DISP2: variants seen among roughly 807,000 people sequenced by gnomAD.
The protein encoded by DISP2 is dispatched RND transporter family member 2, also known as protein dispatched homolog 2.
DISP2 carries 59 observed loss-of-function variants against 95.5 expected under a neutral mutation model. That is an observed-to-expected ratio of 0.62 (90% confidence interval 0.50 to 0.77). DISP2 has a LOEUF of 0.77. DISP2 is among the 30% of genes least tolerant of loss of function. The pLI, the probability that DISP2 is intolerant of heterozygous loss-of-function variation, is 0.00. For synonymous variants in DISP2, 827 were observed against 815.0 expected (o/e 1.01, Z -0.25); for missense variants, 1,752 against 1,854.6 (o/e 0.94, Z 1.02).
Position 40,369,894 on chromosome 15 carries a change from CAG to C in DISP2, c.3783_3784del (p.Ala1262LeufsTer10). ...CAAGGGGAGGAGGCTGAGCCCCTGC[CAG>C]CCTCACCAGAAGCCCCAGCCCACTC... On this transcript the variant is annotated frameshift_variant, in exon 8 of 8. Transcript: ENST00000267889. LOFTEE classifies it high-confidence loss of function. The C allele has an allele frequency of 6.4e-7, 1 of 1,565,720 alleles. No individual in the cohort carries two copies.
rs778712526 is a variant in DISP2, at chr15:40,367,286, T to C, written c.1174T>C (p.Ser392Pro). ...TTGTCTGGGACCTGGGCAGAACAAG[T>C]CCCCACGCTGTGCCCAGGTTCCCAC... The part of the protein sequence containing the change: ...PSCLGPGQNK[S>P]PRCAQVPTKC... The change falls in exon 8 of 8, where the codon TCC becomes CCC. Residue 392 changes from serine to proline, a missense_variant. By Grantham distance (74) the Ser-to-Pro change is moderately conservative (BLOSUM62 -1). Transcript: ENST00000267889. 1 of 1,613,628 alleles carries C rather than the reference T, an allele frequency of 6.2e-7. No individual in the cohort carries two copies.
rs35004278 is a variant in DISP2, at chr15:40,367,512, C to A, written c.1400C>A (p.Thr467Asn). The change falls in exon 8 of 8, where the codon ACC becomes AAC. Residue 467 changes from threonine (T) to asparagine (N), a missense_variant. This residue lies in a region of DISP2 where 732 missense variants were observed against 714.6 expected (regional missense o/e 1.02). Transcript: ENST00000267889. ...ATPWGLADNY[T>N]SVTGMDLGLK... is the part of the protein sequence containing the mutation. ...CCCTGGGGGCTTGCTGACAACTACACCTCTGTCACTGGCATGGACCTGGGC... is the reference window on the plus strand; with the variant it reads ...CCCTGGGGGCTTGCTGACAACTACAACTCTGTCACTGGCATGGACCTGGGC... 1.8e-5 allele frequency: 29 copies of A among 1,613,648 alleles called. No homozygotes were observed. The highest frequency in any genetic ancestry group is 2.5e-5 in the Non-Finnish European group (29 of 1,180,006).
At chr15:40,362,237 G>A (rs899457614) in intron 1 of DISP2, among the ~76,000 whole-genome samples, 3 of 152,208 alleles carry the variant, frequency 2.0e-5, no homozygotes, top group Non-Finnish European at 4.4e-5. Flanking sequence ...CAGGGTAGGT[G>A]GAGGGATGGC....
rs1368622962 is a variant in DISP2, at chr15:40,373,210, T to C, written c.*2892T>C. On this transcript the variant is annotated 3_prime_UTR_variant, in exon 8 of 8. Transcript: ENST00000267889. The stretch of plus-strand genomic sequence containing the variant: ...AGTGTATGGCCCTGGAGACATGGCT[T>C]ACAAGCACGCTGTGAGGCGTACAAA... 1 of 152,178 alleles carries C rather than the reference T, an allele frequency of 6.6e-6. No homozygotes were observed. Among genetic ancestry groups the C allele is most frequent in the Non-Finnish European group, 1.5e-5 (1 of 68,042 alleles). The allele number at this position is 152,178 out of a possible 1,614,324, so 9.4% of individuals were successfully genotyped here.
chr15:40,364,145 C>G lies in DISP2; in HGVS notation c.450-81C>G. 5 of 1,599,024 alleles carry G rather than the reference C, an allele frequency of 3.1e-6. 1 individual carries two copies. The South Asian group carries it at 5.5e-5, about 18-fold the overall frequency. On this transcript the variant is annotated intron_variant, in intron 2 of 7. Coordinates refer to ENST00000267889, the MANE Select transcript of DISP2 (RefSeq NM_033510.3). ...CCATGGGTTATCCCTCACCTACCCACTCCCACCCCACCTCCACCCCCAACA... is the reference window on the plus strand; with the variant it reads ...CCATGGGTTATCCCTCACCTACCCAGTCCCACCCCACCTCCACCCCCAACA...
In DISP2 at chr15:40,364,233, C is replaced by T. The variant is rs954883892; in HGVS notation, c.457C>T (p.Arg153Ter). Residue 153 changes from arginine (R) to a stop codon, truncating the protein, a stop_gained, in exon 3 of 8, where the codon CGA becomes TGA. Coordinates refer to ENST00000267889, the MANE Select transcript of DISP2 (RefSeq NM_033510.3). LOFTEE classifies it high-confidence loss of function. ...TTTTCTTCTCTTCCACAGGCAGGAA[C>T]GAGCCTTCCAGATGCCAAAGAGGTA... ...QHHVVSVRQE[R>*]AFQMPKSYSQ... 3.1e-6 allele frequency: 5 copies of T among 1,614,034 alleles called. No individual in the cohort carries two copies. The highest frequency in any genetic ancestry group is 1.3e-5 in the African/African-American group (1 of 74,938).
chr15:40,370,136 C>T lies in DISP2; in HGVS notation c.4024C>T (p.Leu1342=). 2 of 1,608,276 alleles carry T rather than the reference C, an allele frequency of 1.2e-6. No individual in the cohort carries two copies. ...QLNGKRDTLW[L]ALRETVYDPS... ...CAATGGGAAGCGGGACACCCTGTGG[C>T]TGGCGCTGAGGGAGACAGTGTATGA... Residue 1342 remains leucine (L), a synonymous_variant, in exon 8 of 8, where the codon CTG becomes TTG. Transcript: ENST00000267889.
In DISP2 at chr15:40,358,244, TGCCGCC is replaced by T; in HGVS notation, c.-74_-69del. ...ATGCGCACGAGCACCCCGCCGCCGC[TGCCGCC>T]GCCACCGCCGCCGCCGCCGCCGCCG... is the stretch of plus-strand genomic sequence containing the variant. On this transcript the variant is annotated 5_prime_UTR_variant, in exon 1 of 8. Coordinates refer to ENST00000267889, the MANE Select transcript of DISP2 (RefSeq NM_033510.3). 1 of 779,750 alleles carries T rather than the reference TGCCGCC, an allele frequency of 1.3e-6. No homozygotes were observed. Among genetic ancestry groups the T allele is most frequent in the Non-Finnish European group, 1.6e-6 (1 of 614,816 alleles). 48.3% of individuals were successfully genotyped at this position (779,750 alleles called of 1,614,324 possible).
chr15:40,365,045 C>G (rs1889474080), intron 5 of DISP2, 92 bp downstream of exon 5: 1 of 1,587,412 alleles, frequency 6.3e-7, no homozygotes, highest in Non-Finnish European at 8.6e-7. Context: ...CAAGGCAGGT[C>G]AGAGGGGCTT....
In DISP2 at chr15:40,376,145, A is replaced by G. The variant is rs1390906476; in HGVS notation, c.*5827A>G. On this transcript the variant is annotated 3_prime_UTR_variant, in exon 8 of 8. Transcript: ENST00000267889. ...TGTAAAATATATAAATATATATTAAAAAGGAAAAAATAATAAAAATTTTTA... is the reference window on the plus strand; with the variant it reads ...TGTAAAATATATAAATATATATTAAGAAGGAAAAAATAATAAAAATTTTTA... The G allele has an allele frequency of 6.6e-6, 1 of 151,818 alleles. No individual in the cohort carries two copies. Among genetic ancestry groups the G allele is most frequent in the Admixed American group, 6.5e-5 (1 of 15,274 alleles). 9.4% of individuals were successfully genotyped at this position (151,818 alleles called of 1,614,324 possible).
In DISP2 at chr15:40,376,122, T is replaced by C. The variant is rs934412091; in HGVS notation, c.*5804T>C. On this transcript the variant is annotated 3_prime_UTR_variant, in exon 8 of 8. Transcript: ENST00000267889. Reference sequence around the variant, plus strand: ...TCAAATTCATTGACATGTTATATTGTAAAATATATAAATATATATTAAAAA... The same window carrying C: ...TCAAATTCATTGACATGTTATATTGCAAAATATATAAATATATATTAAAAA... The C allele has an allele frequency of 1.3e-5, 2 of 151,882 alleles. No individual in the cohort carries two copies. The highest frequency in any genetic ancestry group is 4.8e-5 in the African/African-American group (2 of 41,400). The allele number at this position is 151,882 out of a possible 1,614,324, so 9.4% of individuals were successfully genotyped here.
chr15:40,372,764 T>A lies in DISP2; in HGVS notation c.*2446T>A, dbSNP rs559885554. On this transcript the variant is annotated 3_prime_UTR_variant, in exon 8 of 8. Transcript: ENST00000267889. ...ACAGGGAGGTTAAGGGAACTCTTCC[T>A]CCCAAGCATGAGCAGAAGACACTTT... 6.6e-6 allele frequency: 1 copy of A among 152,182 alleles called. No homozygotes were observed. Among genetic ancestry groups the A allele is most frequent in the Non-Finnish European group, 1.5e-5 (1 of 68,038 alleles). The allele number at this position is 152,182 out of a possible 1,614,324, so 9.4% of individuals were successfully genotyped here. A position where few individuals can be genotyped will look rare whatever the true frequency, so the allele number is the denominator to read the frequency against.
In DISP2 at chr15:40,369,998, G is replaced by A. The variant is rs751246795; in HGVS notation, c.3886G>A (p.Asp1296Asn). The change falls in exon 8 of 8, where the codon GAT (aspartate) becomes AAT (asparagine). Residue 1296 changes from aspartate (D) to asparagine (N), a missense_variant. Physicochemically the swap from Asp to Asn is conservative, Grantham distance 23 (BLOSUM62 1). Around this residue, in one of 5 missense-constraint regions of DISP2, gnomAD observed 347 missense variants for 344.2 expected, o/e 1.01. Transcript: ENST00000267889. ...ASTLEGLSVS[D>N]ETCLSTSEPS... is the part of the protein sequence containing the mutation. ...CACCCTGGAGGGGCTCAGCGTCTCTGATGAGACCTGCCTAAGCACCTCTGA... is the reference window on the plus strand; with the variant it reads ...CACCCTGGAGGGGCTCAGCGTCTCTAATGAGACCTGCCTAAGCACCTCTGA... The A allele has an allele frequency of 1.9e-6, 3 of 1,613,950 alleles. No individual in the cohort carries two copies. Among genetic ancestry groups the A allele is most frequent in the South Asian group, 1.1e-5 (1 of 91,084 alleles).
In DISP2 at chr15:40,372,546, G is replaced by C. The variant is rs1456303032; in HGVS notation, c.*2228G>C. On this transcript the variant is annotated 3_prime_UTR_variant, in exon 8 of 8. Coordinates refer to ENST00000267889, the MANE Select transcript of DISP2 (RefSeq NM_033510.3). ...TCAAGATGAGTAACTCCTGACACCAGGAAGGGGAAGCTGGAACCTAATTTG... is the reference window on the plus strand; with the variant it reads ...TCAAGATGAGTAACTCCTGACACCACGAAGGGGAAGCTGGAACCTAATTTG... 2 of 152,180 alleles carry C rather than the reference G, an allele frequency of 1.3e-5. No homozygotes were observed. Among genetic ancestry groups the C allele is most frequent in the Non-Finnish European group, 2.9e-5 (2 of 68,048 alleles). 9.4% of individuals were successfully genotyped at this position (152,180 alleles called of 1,614,324 possible). A position where few individuals can be genotyped will look rare whatever the true frequency, so the allele number is the denominator to read the frequency against.
At chr15:40,364,350 C>G in intron 3 of DISP2, 71 bp from the exon 4 acceptor site, 1 of 1,613,456 alleles carries the variant, frequency 6.2e-7, no homozygotes, top group Admixed American at 1.7e-5. Context: ...AGCACCCCTT[C>G]TGGGTGGAGC....
Position 40,375,818 on chromosome 15 carries a change from C to T in DISP2, c.*5500C>T, listed in dbSNP as rs1042797034. The T allele has an allele frequency of 2.0e-5, 3 of 152,232 alleles. No homozygotes were observed. The highest frequency in any genetic ancestry group is 2.4e-5 in the African/African-American group (1 of 41,434). 9.4% of individuals were successfully genotyped at this position (152,232 alleles called of 1,614,324 possible). ...TTTTAAAGTAATCAGTTTCCAGAGC[C>T]GCCTTCTCCATATGTTCCCCTCCTT... On this transcript the variant is annotated 3_prime_UTR_variant, in exon 8 of 8. Transcript: ENST00000267889.
chr15:40,365,383 G>A, intron 6 of DISP2, 109 bp downstream of exon 6: 1 of 1,504,020 alleles, frequency 6.6e-7, no homozygotes. Context: ...AAGGTGGCCA[G>A]CTGGCCACAG....
In DISP2 at chr15:40,368,082, G is replaced by C; in HGVS notation, c.1970G>C (p.Arg657Pro). Residue 657 changes from arginine to proline, a missense_variant, in exon 8 of 8, where the codon CGG becomes CCG. Arg to Pro is a moderately radical substitution (Grantham distance 103). Transcript: ENST00000267889. ...GCGCGCGGCTGTGCGCGCCGGGCGC[G>C]GGGCCGGTGGGAGGGCAGCGCGCCC... ...YLARGCARRA[R>P]GRWEGSAPRR... 1 of 1,381,034 alleles carries C rather than the reference G, an allele frequency of 7.2e-7. No homozygotes were observed. Among genetic ancestry groups the C allele is most frequent in the Non-Finnish European group, 9.3e-7 (1 of 1,077,342 alleles). 85.5% of individuals were successfully genotyped at this position (1,381,034 alleles called of 1,614,324 possible).
rs72733418 is a variant in DISP2 at position 40,364,523 on chromosome 15, C to T, written c.582C>T (p.Pro194=). 12,541 of 1,613,772 alleles carry T rather than the reference C, an allele frequency of 7.8e-3. 65 individuals are homozygous for T. Among genetic ancestry groups the T allele is most frequent in the African/African-American group, 0.025 (1,909 of 75,046 alleles). The change falls in exon 4 of 8, where the codon CCC becomes CCT. Residue 194 remains proline (P), a synonymous_variant. Transcript: ENST00000267889. ...CTGGACTGTTGGGGGCCCGGCTGCC[C>T]GACTTCTCCAAGCCTTTGCTGGTGA... ...TLAGLLGARL[P]DFSKPLLGFE... is the part of the protein sequence containing the mutation.
Sources: gnomAD v4.1 joint callset for allele counts (sites outside exome capture counted in the v4.1 genomes callset) on GRCh38, gnomAD v4.1.1 for gene constraint, gnomAD v4.1.1 regional missense constraint, MANE v1.5 for transcripts, NCBI Gene and HGNC (gene_info 2026-07-23, HGNC 2026-07-21) for gene names.